The following GFPT1 variants were observed in gnomAD, a reference collection of about 807,000 sequenced individuals.
GFPT1 encodes the protein glutamine--fructose-6-phosphate aminotransferase [isomerizing] 1.
Under a neutral mutation model 92.0 loss-of-function variants are expected in GFPT1, and 40 were observed. The observed-to-expected ratio is 0.43, with a 90% CI of 0.34 to 0.57. GFPT1 has a LOEUF of 0.57. Among genes scored for constraint, GFPT1 ranks in the 20% least tolerant of loss-of-function variants. The pLI is 0.02. For missense variants in GFPT1, 448 were observed against 869.1 expected, an observed-to-expected ratio of 0.52 and a Z score of 6.09; for synonymous variants, 269 against 280.6, an observed-to-expected ratio of 0.96 and a Z score of 0.41.
chr2:69,358,885 T>C (rs1017676122), intron 5 of GFPT1, among the ~76,000 whole-genome samples: 6 of 152,208 alleles, frequency 3.9e-5, no homozygotes, highest in African/African-American at 1.4e-4. Context: ...CTATGACCAC[T>C]ACTATACAGT....
chr2:69,371,248 T>C (rs1671740360), intron 2 of GFPT1: 1 of 150,610 alleles, frequency 6.6e-6, no homozygotes, highest in Non-Finnish European at 1.5e-5. Context: ...GCTAATTTTT[T>C]TTTTTTTTTA....
intron 15 of GFPT1, among the ~76,000 whole-genome samples, chr2:69,330,161 C>T (rs533002255): frequency 6.6e-6 from 1 of 152,262 alleles, no homozygotes; most frequent in East Asian, 1.9e-4. Context: ...ACCAGGATCG[C>T]ACCACAGCAC....
intron 3 of GFPT1, among the ~76,000 whole-genome samples, chr2:69,367,901 T>C (rs1220145171): frequency 2.0e-5 from 3 of 152,212 alleles, no homozygotes; most frequent in African/African-American, 7.2e-5. Flanking sequence ...AAGTTTCCAT[T>C]TGTAGATAAT....
chr2:69,357,308 A>G (rs1671361421), intron 6 of GFPT1, among the ~76,000 whole-genome samples: 1 of 152,238 alleles, frequency 6.6e-6, no homozygotes. Context: ...TGACCTTGAT[A>G]TTAGAGATAT....
intron 1 of GFPT1, 147 bp from the exon 2 acceptor site, chr2:69,374,260 G>C (rs1671819031): frequency 3.8e-6 from 2 of 523,690 alleles, no homozygotes; most frequent in East Asian, 6.9e-5. Context: ...TTTTTCAAGG[G>C]GGAGTTTCTC....
intron 6 of GFPT1, among the ~76,000 whole-genome samples, chr2:69,357,843 G>A (rs1246801677): frequency 6.6e-6 from 1 of 152,146 alleles, no homozygotes; most frequent in Non-Finnish European, 1.5e-5. Flanking sequence ...AGAGCCAAGG[G>A]AAAGTCCCCA....
In GFPT1 at chr2:69,326,120, G is replaced by A; in HGVS notation, c.*69C>T. ...TTCAAGGGGTGATATTTTAAATCAA[G>A]GTTTTAAATACAAAAGGTGTCTTGT... is the stretch of plus-strand genomic sequence containing the variant. On this transcript the variant is annotated 3_prime_UTR_variant, in exon 20 of 20. Transcript: ENST00000357308. 1.0e-6 allele frequency: 1 copy of A among 994,276 alleles called. No individual in the cohort carries two copies. The highest frequency in any genetic ancestry group is 1.6e-6 in the Non-Finnish European group (1 of 633,836). 61.6% of individuals were successfully genotyped at this position (994,276 alleles called of 1,614,324 possible). A position where few individuals can be genotyped will look rare whatever the true frequency, so the allele number is the denominator to read the frequency against.
chr2:69,341,897 C>T (rs999943058), intron 13 of GFPT1, among the ~76,000 whole-genome samples: 3 of 152,140 alleles, frequency 2.0e-5, no homozygotes, highest in Admixed American at 6.6e-5. Flanking sequence ...CACAAACTCT[C>T]CCCCTCTTGG....
Position 69,363,660 on chromosome 2 carries a change from A to T in GFPT1, c.234T>A (p.Asp78Glu). 1 of 1,605,132 alleles carries T rather than the reference A, an allele frequency of 6.2e-7. No individual in the cohort carries two copies. The highest frequency in any genetic ancestry group is 8.5e-7 in the Non-Finnish European group (1 of 1,171,750). ...CATCAAATTCTATATCCAAATCCAT[A>T]TCTTGTTGCTCTGAAGAATATGAAA... ...ALDEEVHKQQ[D>E]MDLDIEFDVH... Residue 78 changes from aspartate to glutamate, a missense_variant, in exon 4 of 20, where the codon GAT (aspartate) becomes GAA (glutamate). Transcript: ENST00000357308.
At chr2:69,354,658 G>T in intron 7 of GFPT1, 90 bp from the exon 8 acceptor site, 2 of 786,728 alleles carry the variant, frequency 2.5e-6, no homozygotes, top group South Asian at 1.4e-5. Context: ...CTCTTCAAAT[G>T]TTTAAATCAT....
chr2:69,382,670 T>C (rs1672037536), intron 1 of GFPT1, among the ~76,000 whole-genome samples: 1 of 152,230 alleles, frequency 6.6e-6, no homozygotes, highest in Non-Finnish European at 1.5e-5. Flanking sequence ...GGCACTTCTA[T>C]TTCCTCCTTC....
At chr2:69,330,130 G>A (rs565266912) in intron 15 of GFPT1, among the ~76,000 whole-genome samples, 5 of 152,018 alleles carry the variant, frequency 3.3e-5, no homozygotes, top group South Asian at 2.1e-4. Flanking sequence ...ACTTGAGCCC[G>A]GGAGGCAGAG....
intron 7 of GFPT1, among the ~76,000 whole-genome samples, chr2:69,355,844 G>C (rs1016216168): frequency 1.3e-5 from 2 of 151,928 alleles, no homozygotes; most frequent in Admixed American, 1.3e-4. Context: ...AATCTGTCTA[G>C]AATATATGTT....
intron 1 of GFPT1, among the ~76,000 whole-genome samples, chr2:69,381,010 C>T (rs567065661): frequency 6.6e-6 from 1 of 151,252 alleles, no homozygotes; most frequent in Admixed American, 6.6e-5. Context: ...GACAGAGTCT[C>T]GTTCTGTCAC....
chr2:69,377,879 T>C (rs1323859871), intron 1 of GFPT1, among the ~76,000 whole-genome samples: 1 of 152,156 alleles, frequency 6.6e-6, no homozygotes, highest in Non-Finnish European at 1.5e-5. Flanking sequence ...CTGGCAGCAA[T>C]TCATCAGGTA....
rs570048329 is a variant in GFPT1 at position 69,380,964 on chromosome 2, T to G, written c.7+6101A>C. Among the ~76,000 whole-genome samples, 3 of 152,322 alleles carry G rather than the reference T, an allele frequency of 2.0e-5. No individual in the cohort carries two copies. In the South Asian group the frequency reaches 6.2e-4, roughly 32 times the overall value. ...AGCTTCTTTTTCATTTTTGGTAGAT[T>G]CTTACTTTATAGAATTAAAGTCTTT... is the stretch of plus-strand genomic sequence containing the variant. On this transcript the variant is annotated intron_variant, in intron 1 of 19. Coordinates refer to ENST00000357308, the MANE Select transcript of GFPT1 (RefSeq NM_001244710.2).
intron 1 of GFPT1, among the ~76,000 whole-genome samples, chr2:69,375,318 CTG>C (rs1168396201): frequency 1.3e-5 from 2 of 152,150 alleles, no homozygotes; most frequent in African/African-American, 4.8e-5. Flanking sequence ...TAAATTAATT[CTG>C]TGAGATAGAA....
chr2:69,331,195 C>T (rs1670654155), intron 15 of GFPT1, among the ~76,000 whole-genome samples: 1 of 152,156 alleles, frequency 6.6e-6, no homozygotes, highest in Admixed American at 6.5e-5. Context: ...GACTGCGGGA[C>T]AATGAACCTT....
At chr2:69,357,636 G>A (rs887678725) in intron 6 of GFPT1, among the ~76,000 whole-genome samples, 12 of 152,170 alleles carry the variant, frequency 7.9e-5, no homozygotes, top group Non-Finnish European at 1.5e-4. Context: ...AGTGAGGGCT[G>A]GACCGTATTT....
Sources: gnomAD v4.1 joint callset for allele counts (sites outside exome capture counted in the v4.1 genomes callset) on GRCh38, gnomAD v4.1.1 for gene constraint, MANE v1.5 for transcripts, NCBI Gene and HGNC (gene_info 2026-07-23, HGNC 2026-07-21) for gene names.